NR2F1-AS1: variants seen among roughly 807,000 people sequenced by gnomAD.
NR2F1-AS1 encodes the protein NR2F1 regulatory antisense RNA 1.
At chr5:93,584,951 C>T, upstream of NR2F1-AS1, 1 of 446,784 alleles carries the variant, frequency 2.2e-6, no homozygotes, top group Non-Finnish European at 2.9e-6. Flanking sequence ...CCTTCCCCTC[C>T]CAGCGCGCCC....
In NR2F1-AS1 at chr5:93,507,322, TG is replaced by T. The variant is rs1430614959; in HGVS notation, n.638+46438del. 4.3e-5 allele frequency among the ~76,000 whole-genome samples: 6 copies of T among 139,640 alleles called. No individual in the cohort carries two copies. The East Asian group carries it at 6.6e-4, about 15-fold the overall frequency. 91.6% of individuals were successfully genotyped at this position (139,640 alleles called of 152,430 possible). A position where few individuals can be genotyped will look rare whatever the true frequency, so the allele number is the denominator to read the frequency against. On this transcript the variant is annotated intron_variant and non_coding_transcript_variant, in intron 4 of 5. Transcript: ENST00000660523. Reference sequence around the variant, plus strand: ...AAATCCTAACCAGTTTTTTGGGATTTGGGGTTTTTTTTGTTTTGTTTTGTTT... The same window carrying T: ...AAATCCTAACCAGTTTTTTGGGATTTGGGTTTTTTTTGTTTTGTTTTGTTT...
intron 4 of NR2F1-AS1, among the ~76,000 whole-genome samples, chr5:93,539,102 A>C (rs1034101160): frequency 1.3e-5 from 2 of 152,176 alleles, no homozygotes; most frequent in Admixed American, 6.5e-5. Flanking sequence ...AACATGGCGA[A>C]ACCCATCTCT....
At chr5:93,581,011 C>G (rs2149936072), upstream of NR2F1-AS1, 1 of 152,408 alleles carries the variant, frequency 6.6e-6, no homozygotes, top group South Asian at 2.1e-4. Context: ...CGTCACTAAG[C>G]GGTCGCCGAC....
At chr5:93,495,392 A>G (rs904993798) in intron 4 of NR2F1-AS1, among the ~76,000 whole-genome samples, 2 of 152,176 alleles carry the variant, frequency 1.3e-5, no homozygotes, top group Non-Finnish European at 2.9e-5. Flanking sequence ...CTAGCATTAA[A>G]TTACAATTCT....
At chr5:93,441,089 T>C (rs1022340977) in intron 4 of NR2F1-AS1, among the ~76,000 whole-genome samples, 4 of 152,210 alleles carry the variant, frequency 2.6e-5, no homozygotes, top group Non-Finnish European at 5.9e-5. Context: ...TAACATAAAG[T>C]ATTGTGATTA....
rs1389506354 is a variant in NR2F1-AS1 at position 93,411,910 on chromosome 5, T to C, written n.639-16368A>G. On this transcript the variant is annotated intron_variant and non_coding_transcript_variant, in intron 4 of 5. Coordinates refer to ENST00000660523, the Ensembl canonical transcript of NR2F1-AS1. ...GTCCCATCCTGTGGCACCATATGGA[T>C]GGCTGGGAAACAACAGTTGCAGATA... 2.0e-5 allele frequency among the ~76,000 whole-genome samples: 3 copies of C among 152,150 alleles called. No individual in the cohort carries two copies. In the East Asian group the frequency reaches 5.8e-4, roughly 29 times the overall value.
chr5:93,526,246 A>T (rs1751612163), intron 4 of NR2F1-AS1, among the ~76,000 whole-genome samples: 1 of 152,202 alleles, frequency 6.6e-6, no homozygotes, highest in Non-Finnish European at 1.5e-5. Flanking sequence ...GTAACTAGAA[A>T]ATCTAGAAGA....
In NR2F1-AS1 at chr5:93,429,195, TTTTAC is replaced by T. The variant is rs535211977; in HGVS notation, n.639-33658_639-33654del. On this transcript the variant is annotated intron_variant and non_coding_transcript_variant, in intron 4 of 5. Coordinates refer to ENST00000660523, the Ensembl canonical transcript of NR2F1-AS1. ...TGGTACTCTTATATGTATGTGGTTC[TTTTAC>T]TTTATTTTTTTTCTTGTTTCCAGTG... Among the ~76,000 whole-genome samples the T allele has an allele frequency of 4.8e-3, 735 of 152,296 alleles. 25 individuals carry two copies. Among genetic ancestry groups the T allele is most frequent in the Non-Finnish European group, 1.1e-3 (74 of 68,018 alleles).
intron 4 of NR2F1-AS1, among the ~76,000 whole-genome samples, chr5:93,546,737 C>T (rs2149909410): frequency 6.6e-6 from 1 of 152,232 alleles, no homozygotes; most frequent in East Asian, 1.9e-4. Context: ...CTAGCCATTT[C>T]TGTGACTTGT....
At chr5:93,479,222 A>G (rs762862633) in intron 4 of NR2F1-AS1, among the ~76,000 whole-genome samples, 8 of 152,230 alleles carry the variant, frequency 5.3e-5, no homozygotes, top group Non-Finnish European at 1.2e-4. Flanking sequence ...TTCTCTTGAA[A>G]AAAAAATTGG....
chr5:93,509,460 C>G (rs1428732711), intron 4 of NR2F1-AS1, among the ~76,000 whole-genome samples: 1 of 151,868 alleles, frequency 6.6e-6, no homozygotes, highest in Non-Finnish European at 1.5e-5. Context: ...ATAGCAGATA[C>G]CATACTGGTA....
intron 4 of NR2F1-AS1, among the ~76,000 whole-genome samples, chr5:93,457,236 C>A (rs546172733): frequency 6.6e-6 from 1 of 152,176 alleles, no homozygotes; most frequent in South Asian, 2.1e-4. Flanking sequence ...TGGGGAGAAA[C>A]CTTGGACAAT....
At chr5:93,481,024 T>C (rs1322945108) in intron 4 of NR2F1-AS1, among the ~76,000 whole-genome samples, 2 of 151,974 alleles carry the variant, frequency 1.3e-5, no homozygotes, top group Non-Finnish European at 2.9e-5. Flanking sequence ...TCATGATCAG[T>C]TGGCACTATA....
intron 4 of NR2F1-AS1, among the ~76,000 whole-genome samples, chr5:93,412,212 A>G (rs1006622984): frequency 2.0e-5 from 3 of 152,144 alleles, no homozygotes; most frequent in Non-Finnish European, 4.4e-5. Context: ...CTTACTGCAG[A>G]CCCTGGCTCC....
intron 1 of NR2F1-AS1, among the ~76,000 whole-genome samples, chr5:93,574,015 C>G (rs1007267858): frequency 1.5e-4 from 23 of 152,234 alleles, no homozygotes; most frequent in African/African-American, 5.5e-4. Context: ...TCCAACTAAA[C>G]TCCAACCAGC....
At chr5:93,513,174 T>C (rs1312659793) in intron 4 of NR2F1-AS1, among the ~76,000 whole-genome samples, 1 of 152,134 alleles carries the variant, frequency 6.6e-6, no homozygotes, top group Admixed American at 6.6e-5. Context: ...CAGATGCTGG[T>C]GAGGCTGCAG....
chr5:93,440,506 C>T (rs745628190), intron 4 of NR2F1-AS1, among the ~76,000 whole-genome samples: 7 of 152,202 alleles, frequency 4.6e-5, no homozygotes, highest in Non-Finnish European at 1.0e-4. Context: ...CGCCTTCAGA[C>T]TTGTACAAGA....
intron 4 of NR2F1-AS1, among the ~76,000 whole-genome samples, chr5:93,411,849 C>T (rs1276520826): frequency 6.6e-6 from 1 of 152,184 alleles, no homozygotes; most frequent in Non-Finnish European, 1.5e-5. Context: ...AGGTCCCAGG[C>T]CCTACCCCTT....
At chr5:93,572,895 C>T (rs1354996207) in intron 1 of NR2F1-AS1, among the ~76,000 whole-genome samples, 1 of 152,242 alleles carries the variant, frequency 6.6e-6, no homozygotes, top group South Asian at 2.1e-4. Flanking sequence ...GAGGCGCGGC[C>T]GGCGGGGCCG....
Sources: gnomAD v4.1 joint callset for allele counts (sites outside exome capture counted in the v4.1 genomes callset) on GRCh38, gnomAD v4.1.1 for gene constraint, MANE v1.5 for transcripts, NCBI Gene and HGNC (gene_info 2026-07-23, HGNC 2026-07-21) for gene names.